Variants in KIF18B observed in about 807,000 individuals in gnomAD.
KIF18B encodes kinesin-like protein KIF18B.
A neutral mutation model predicts 80.9 loss-of-function variants in KIF18B; 49 were observed. The observed-to-expected ratio is 0.61, with a 90% CI of 0.48 to 0.77. The LOEUF is 0.77. Among genes scored for constraint, KIF18B ranks in the 30% least tolerant of loss-of-function variants. KIF18B has a pLI of 0.00. For missense variants in KIF18B, 994 were observed against 1,127.7 expected (o/e 0.88, Z 1.70); for synonymous variants, 439 against 463.9 (o/e 0.95, Z 0.69).
intron 3 of KIF18B, 132 bp from the exon 4 acceptor site, chr17:44,935,067 T>C: frequency 1.1e-6 from 1 of 873,060 alleles, no homozygotes; most frequent in Non-Finnish European, 1.7e-6. Context: ...CCCAGGACTG[T>C]GTTACATGAC....
intron 1 of KIF18B, among the ~76,000 whole-genome samples, chr17:44,940,021 T>A (rs972958364): frequency 6.6e-6 from 1 of 152,202 alleles, no homozygotes; most frequent in Non-Finnish European, 1.5e-5. Context: ...CCTCAAGCGA[T>A]CCACCCGCCT....
intron 7 of KIF18B, among the ~76,000 whole-genome samples, chr17:44,933,448 G>C (rs763686782): frequency 6.6e-6 from 1 of 152,092 alleles, no homozygotes; most frequent in Non-Finnish European, 1.5e-5. Flanking sequence ...CCAGGGATGG[G>C]GACTGTGTCG....
intron 12 of KIF18B, 43 bp from the exon 13 acceptor site, chr17:44,928,621 A>T: frequency 6.9e-7 from 1 of 1,439,576 alleles, no homozygotes. Flanking sequence ...GGGGAGCCAG[A>T]CACTGGAGAC....
At chr17:44,931,379 G>T (rs2052142422) in intron 11 of KIF18B, among the ~76,000 whole-genome samples, 1 of 152,178 alleles carries the variant, frequency 6.6e-6, no homozygotes, top group Admixed American at 6.5e-5. Context: ...CTGGCATTTT[G>T]CTTCCCTCTC....
At chr17:44,946,632 C>T (rs1251366012) in intron 1 of KIF18B, among the ~76,000 whole-genome samples, 2 of 152,250 alleles carry the variant, frequency 1.3e-5, no homozygotes, top group Non-Finnish European at 2.9e-5. Context: ...TGACATATGG[C>T]ATTTTCCCAT....
Position 44,931,695 on chromosome 17 carries a change from T to C in KIF18B, c.1424A>G (p.His475Arg). The change falls in exon 11 of 16, where the codon CAT becomes CGT. Residue 475 changes from histidine (H) to arginine (R), a missense_variant. By Grantham distance (29) the His-to-Arg change is conservative (BLOSUM62 0). Coordinates refer to ENST00000593135, the MANE Select transcript of KIF18B (RefSeq NM_001265577.2). The part of the protein sequence containing the change: ...PTQMPEQNPT[H>R]ALPESPRLTL... ...CAGGCGAGGGGACTCTGGCAGTGCA[T>C]GTGTGGGGTTCTGCTCTGGCATCTG... The C allele has an allele frequency of 6.2e-7, 1 of 1,613,936 alleles. No homozygotes were observed. The highest frequency in any genetic ancestry group is 8.5e-7 in the Non-Finnish European group (1 of 1,179,872).
At position 44,932,200 on chromosome 17, in the gene KIF18B, G is replaced by C; in HGVS notation, c.1245C>G (p.Pro415=). ...GCCCTGCAGGGAGCTCTGGGGTGCA[G>C]GGCTGGCTGGGAGGGTGGGGTGGCA... ...PKSGPPPEHQ[P]CTPELPAGPR... is the part of the protein sequence containing the mutation. The change falls in exon 10 of 16, where the codon CCC becomes CCG. Residue 415 remains proline, a synonymous_variant. Transcript: ENST00000593135. 2 of 1,591,738 alleles carry C rather than the reference G, an allele frequency of 1.3e-6. No homozygotes were observed. Among genetic ancestry groups the C allele is most frequent in the Non-Finnish European group, 1.7e-6 (2 of 1,167,130 alleles).
In KIF18B at chr17:44,935,302, C is replaced by T. The variant is rs762584252; in HGVS notation, c.428G>A (p.Arg143His). The stretch of plus-strand genomic sequence containing the variant: ...CACCTCGAAGTGCTTCTCCTGCTGG[C>T]GGGCCTCCAGGCGCCTGTACAGTTC... The part of the protein sequence containing the change: ...TVELYRRLEA[R>H]QQEKHFEVLI... Residue 143 changes from arginine to histidine, a missense_variant, in exon 3 of 16, where the codon CGC (arginine) becomes CAC (histidine). Transcript: ENST00000593135. 9.9e-6 allele frequency: 16 copies of T among 1,610,934 alleles called. No homozygotes were observed. Among genetic ancestry groups the T allele is most frequent in the South Asian group, 1.1e-5 (1 of 90,562 alleles).
At chr17:44,937,228 C>T (rs2052329194) in intron 1 of KIF18B, among the ~76,000 whole-genome samples, 1 of 152,084 alleles carries the variant, frequency 6.6e-6, no homozygotes, top group South Asian at 2.1e-4. Flanking sequence ...TACCCCCAAC[C>T]TAGAGCCCTC....
intron 2 of KIF18B, 98 bp downstream of exon 2, chr17:44,935,934 T>C (rs577921287): frequency 2.2e-4 from 236 of 1,093,452 alleles, no homozygotes; most frequent in Middle Eastern, 1.0e-3. Context: ...CGTGCCCAGC[T>C]TGGGGGAGGC....
intron 1 of KIF18B, among the ~76,000 whole-genome samples, chr17:44,946,934 C>A (rs1442850520): frequency 1.3e-5 from 2 of 151,850 alleles, no homozygotes; most frequent in African/African-American, 2.4e-5. Flanking sequence ...GCCCGGCCAA[C>A]CCTGTCTCTA....
intron 1 of KIF18B, among the ~76,000 whole-genome samples, chr17:44,942,912 T>C (rs2052445573): frequency 6.6e-6 from 1 of 152,314 alleles, no homozygotes; most frequent in Non-Finnish European, 1.5e-5. Flanking sequence ...CTCCCAAATG[T>C]GAAGTAGCAA....
chr17:44,947,113 CAAAAAAAAAAAAAA>C (rs57955845), intron 1 of KIF18B, among the ~76,000 whole-genome samples: 743 of 54,042 alleles, frequency 0.014, 10 homozygotes, highest in African/African-American at 0.045. Flanking sequence ...ACTCCATCTC[CAAAAAAAAAAAAAA>C]AAAAAAAAAA....
chr17:44,936,354 G>A lies in KIF18B; in HGVS notation c.-10C>T. 1.9e-6 allele frequency: 3 copies of A among 1,595,286 alleles called. No individual in the cohort carries two copies. Among genetic ancestry groups the A allele is most frequent in the Non-Finnish European group, 2.6e-6 (3 of 1,172,648 alleles). ...TGTCCTCCACTGCCATCACTGTGGTGACACCTGGGTGAGACATGGTGGAGC... is the reference window on the plus strand; with the variant it reads ...TGTCCTCCACTGCCATCACTGTGGTAACACCTGGGTGAGACATGGTGGAGC... On this transcript the variant is annotated 5_prime_UTR_variant, in exon 2 of 16. Transcript: ENST00000593135.
At chr17:44,936,903 A>G (rs1325442678) in intron 1 of KIF18B, among the ~76,000 whole-genome samples, 5 of 151,174 alleles carry the variant, frequency 3.3e-5, no homozygotes, top group East Asian at 3.9e-4. Flanking sequence ...CAGCCTCCCA[A>G]AGTGTTGGGA....
chr17:44,933,863 C>T, intron 7 of KIF18B, 60 bp downstream of exon 7: 2 of 1,478,262 alleles, frequency 1.4e-6, no homozygotes, highest in Non-Finnish European at 1.8e-6. Context: ...TGGGTCCCAC[C>T]CTTTCCTGCT....
intron 11 of KIF18B, among the ~76,000 whole-genome samples, chr17:44,931,090 A>G (rs942353538): frequency 2.6e-5 from 4 of 152,216 alleles, no homozygotes; most frequent in Admixed American, 6.5e-5. Context: ...GCATCTTTCT[A>G]TGAAGCATAG....
At position 44,934,403 on chromosome 17, in the gene KIF18B, G is replaced by C; in HGVS notation, c.715C>G (p.Pro239Ala). Residue 239 changes from proline to alanine, a missense_variant, in exon 6 of 16, where the codon CCA (proline) becomes GCA (alanine). Transcript: ENST00000593135. This position sits in a 1 kb window ranked among gnomAD's most constrained non-coding sequence, Gnocchi z 5.4. Reference sequence around the variant, plus strand: ...ACCTGGACAGCCTGGGTCAGTCCTGGAACCCGGTCCTGCTGCTTCACAAAG... The same window carrying C: ...ACCTGGACAGCCTGGGTCAGTCCTGCAACCCGGTCCTGCTGCTTCACAAAG... ...QIFVKQQDRV[P>A]GLTQAVQVAK... 4 of 1,606,758 alleles carry C rather than the reference G, an allele frequency of 2.5e-6. No homozygotes were observed. The highest frequency in any genetic ancestry group is 3.4e-6 in the Non-Finnish European group (4 of 1,176,428).
intron 15 of KIF18B, 45 bp from the exon 16 acceptor site, chr17:44,926,231 A>G: frequency 6.2e-7 from 1 of 1,610,842 alleles, no homozygotes; most frequent in Non-Finnish European, 8.5e-7. Flanking sequence ...GCGAGGAAGG[A>G]AAGTGACGCT....
Sources: allele counts gnomAD v4.1 joint callset (sites outside exome capture counted in the v4.1 genomes callset), GRCh38; gene constraint gnomAD v4.1.1; non-coding constraint Gnocchi (gnomAD v3.1); transcripts MANE v1.5; gene names NCBI Gene and HGNC (gene_info 2026-07-23, HGNC 2026-07-21).